The following ETV5 variants were observed in gnomAD, a reference collection of about 807,000 sequenced individuals.
The protein encoded by ETV5 is ETS translocation variant 5.
A neutral mutation model predicts 70.0 loss-of-function variants in ETV5; 10 were observed. The observed-to-expected ratio is 0.14, with a 90% CI of 0.09 to 0.24. The LOEUF is 0.24. Among genes scored for constraint, ETV5 ranks in the 10% least tolerant of loss-of-function variants. The pLI is 1.00. For missense variants in ETV5, 453 were observed against 651.2 expected, an observed-to-expected ratio of 0.70 and a Z score of 3.31; for synonymous variants, 216 against 242.2, an observed-to-expected ratio of 0.89 and a Z score of 1.01.
intron 11 of ETV5, among the ~76,000 whole-genome samples, chr3:186,056,200 AAC>A (rs1343135205): frequency 5.3e-5 from 8 of 152,176 alleles, no homozygotes; most frequent in African/African-American, 1.9e-4. Flanking sequence ...CAAAAACAGT[AAC>A]AGTGTTTTTT....
Position 186,052,057 on chromosome 3 carries a change from A to G in ETV5, c.1284T>C (p.Tyr428=). The G allele has an allele frequency of 6.2e-7, 1 of 1,613,922 alleles. No individual in the cohort carries two copies. Among genetic ancestry groups the G allele is most frequent in the South Asian group, 1.1e-5 (1 of 91,076 alleles). Residue 428 remains tyrosine (Y), a synonymous_variant, in exon 12 of 13, where the codon TAT becomes TAC. Coordinates refer to ENST00000306376, the MANE Select transcript of ETV5 (RefSeq NM_004454.3). This position sits in a 1 kb window ranked among gnomAD's most constrained non-coding sequence, Gnocchi z 4.5. ...NYDKLSRSLR[Y]YYEKGIMQKV... is the part of the protein sequence containing the mutation. ...TCTGCATGATGCCCTTTTCATAGTA[A>G]TAGCGGAGAGAGCGGCTCAGCTTGT... is the stretch of plus-strand genomic sequence containing the variant.
intron 12 of ETV5, among the ~76,000 whole-genome samples, chr3:186,051,365 A>G (rs1485352705): frequency 6.6e-6 from 1 of 152,218 alleles, no homozygotes; most frequent in African/African-American, 2.4e-5. Flanking sequence ...TAGCTAAGAA[A>G]GACTTGCCAT....
Position 186,064,460 on chromosome 3 carries a change from C to T in ETV5, c.927G>A (p.Gln309=). The part of the protein sequence containing the change: ...YCVDSEVPNC[Q]SSYMRGGYFS... ...AATAACCCCCTCTCATGTAGGATGA[C>T]TGGCAGTTAGGCACTTCTGAAAGGA... The change falls in exon 9 of 13, where the codon CAG becomes CAA. Residue 309 remains glutamine (Q), a synonymous_variant. Coordinates refer to ENST00000306376, the MANE Select transcript of ETV5 (RefSeq NM_004454.3). The T allele has an allele frequency of 6.2e-7, 1 of 1,614,172 alleles. No individual in the cohort carries two copies. Among genetic ancestry groups the T allele is most frequent in the Non-Finnish European group, 8.5e-7 (1 of 1,180,026 alleles).
rs1194494672 is a variant in ETV5 at position 186,057,810 on chromosome 3, T to A, written c.971-319A>T. ...GGATCAATGTTGCTCTGACTAAGCC[T>A]TTACAGCTGGAAACACATCTCTATT... On this transcript the variant is annotated intron_variant, in intron 9 of 12. Transcript: ENST00000306376. This position sits in a 1 kb window ranked among gnomAD's most constrained non-coding sequence, Gnocchi z 4.9. Among the ~76,000 whole-genome samples the A allele has an allele frequency of 6.6e-6, 1 of 152,206 alleles. No individual in the cohort carries two copies. The highest frequency in any genetic ancestry group is 1.5e-5 in the Non-Finnish European group (1 of 68,028).
chr3:186,086,940 C>T (rs1233860179), intron 5 of ETV5, among the ~76,000 whole-genome samples: 1 of 152,100 alleles, frequency 6.6e-6, no homozygotes, highest in African/African-American at 2.4e-5. Context: ...CACTGCACTC[C>T]AGACTGGGCA....
intron 5 of ETV5, among the ~76,000 whole-genome samples, chr3:186,100,192 C>G (rs573936114): frequency 5.9e-5 from 9 of 152,266 alleles, no homozygotes; most frequent in Non-Finnish European, 1.2e-4. Context: ...GTCAAAGAAT[C>G]TCTCCTCCAT....
intron 9 of ETV5, among the ~76,000 whole-genome samples, chr3:186,059,044 T>G (rs1443178276): frequency 6.8e-6 from 1 of 147,362 alleles, no homozygotes; most frequent in Non-Finnish European, 1.5e-5. Context: ...AAATAAAAAA[T>G]AAAAAAAAAG....
At chr3:186,088,007 G>T (rs187129642) in intron 5 of ETV5, among the ~76,000 whole-genome samples, 23 of 152,320 alleles carry the variant, frequency 1.5e-4, no homozygotes, top group Non-Finnish European at 3.1e-4. Context: ...CCTGCGGTCT[G>T]AAGGGAAGAA....
In ETV5 at chr3:186,072,240, G is replaced by C. The variant is rs552256436; in HGVS notation, c.651-6168C>G. Among the ~76,000 whole-genome samples, 66 of 151,992 alleles carry C rather than the reference G, an allele frequency of 4.3e-4. 1 individual carries two copies. Among genetic ancestry groups the C allele is most frequent in the Non-Finnish European group, 3.5e-4 (24 of 67,978 alleles). On this transcript the variant is annotated intron_variant, in intron 7 of 12. Transcript: ENST00000306376. ...ATTAAAAACACAAAAAAATTAGCCA[G>C]GTGCAGTGTCGAATGCCTGTAAACC... is the stretch of plus-strand genomic sequence containing the variant.
chr3:186,102,360 C>T (rs1714480182), intron 5 of ETV5, among the ~76,000 whole-genome samples: 2 of 152,100 alleles, frequency 1.3e-5, no homozygotes, highest in South Asian at 4.1e-4. Context: ...AGGCCGGGCA[C>T]AGTGGCTCAC....
In ETV5 at chr3:186,052,038, T is replaced by C; in HGVS notation, c.1303A>G (p.Met435Val). The C allele has an allele frequency of 1.2e-6, 2 of 1,613,680 alleles. No homozygotes were observed. The highest frequency in any genetic ancestry group is 1.7e-6 in the Non-Finnish European group (2 of 1,179,702). ...SLRYYYEKGIMQKVAGERYVY... is the reference protein window; with the variant it reads ...SLRYYYEKGIVQKVAGERYVY... The stretch of plus-strand genomic sequence containing the variant: ...CTTGTATAATGGCTCACCTTCTGCA[T>C]GATGCCCTTTTCATAGTAATAGCGG... The change falls in exon 12 of 13, where the codon ATG (methionine) becomes GTG (valine). Residue 435 changes from methionine to valine, a missense_variant. Met to Val is a conservative substitution (Grantham distance 21). Transcript: ENST00000306376. This position sits in a 1 kb window ranked among gnomAD's most constrained non-coding sequence, Gnocchi z 4.5.
At chr3:186,056,620 G>C (rs1289865342) in intron 11 of ETV5, among the ~76,000 whole-genome samples, 3 of 152,016 alleles carry the variant, frequency 2.0e-5, no homozygotes, top group Non-Finnish European at 2.9e-5. Flanking sequence ...ATTTCTCCAG[G>C]CTACAGCCAT....
intron 5 of ETV5, among the ~76,000 whole-genome samples, chr3:186,084,734 A>G (rs1458592950): frequency 6.6e-6 from 1 of 152,186 alleles, no homozygotes; most frequent in African/African-American, 2.4e-5. Context: ...ATTCGAGGGG[A>G]GAAGAGGCAA....
At chr3:186,085,470 G>T (rs549651316) in intron 5 of ETV5, among the ~76,000 whole-genome samples, 2 of 149,052 alleles carry the variant, frequency 1.3e-5, no homozygotes, top group Non-Finnish European at 3.0e-5. Flanking sequence ...CACCTCCATT[G>T]TCACAAGCAA....
intron 5 of ETV5, among the ~76,000 whole-genome samples, chr3:186,082,462 C>G (rs1181615127): frequency 6.8e-6 from 1 of 146,752 alleles, no homozygotes; most frequent in African/African-American, 2.6e-5. Context: ...GAGTCTTACT[C>G]TGTCGCCCAG....
In ETV5 at chr3:186,079,864, C is replaced by T. The variant is rs1484312520; in HGVS notation, c.603G>A (p.Leu201=). The part of the protein sequence containing the change: ...FAVPRPPHQP[L]QMPKMMPENQ... The stretch of plus-strand genomic sequence containing the variant: ...TTTCAGGCATCATCTTTGGCATCTG[C>T]AGGGGCTGATGTGGTGGTCGGGGGA... The change falls in exon 7 of 13, where the codon CTG becomes CTA. Residue 201 remains leucine (L), a synonymous_variant. Coordinates refer to ENST00000306376, the MANE Select transcript of ETV5 (RefSeq NM_004454.3). 6 of 1,601,932 alleles carry T rather than the reference C, an allele frequency of 3.7e-6. No individual in the cohort carries two copies. The highest frequency in any genetic ancestry group is 5.1e-6 in the Non-Finnish European group (6 of 1,175,056).
In ETV5 at chr3:186,075,105, A is replaced by C. The variant is rs561604203; in HGVS notation, c.650+4712T>G. On this transcript the variant is annotated intron_variant, in intron 7 of 12. Transcript: ENST00000306376. ...CTTGTTAAAAGGTAACAAGAAGCCT[A>C]CAGTAAACATGATGAAATGCTAAAA... 2.0e-4 allele frequency among the ~76,000 whole-genome samples: 30 copies of C among 152,332 alleles called. No homozygotes were observed. The South Asian group carries it at 6.2e-3, about 32-fold the overall frequency.
At chr3:186,100,781 A>G (rs1714434346) in intron 5 of ETV5, among the ~76,000 whole-genome samples, 2 of 152,226 alleles carry the variant, frequency 1.3e-5, no homozygotes, top group South Asian at 4.1e-4. Context: ...TATGGAGGCC[A>G]TGACTTTGAA....
chr3:186,070,455 C>T (rs915308495), intron 7 of ETV5, among the ~76,000 whole-genome samples: 6 of 152,216 alleles, frequency 3.9e-5, no homozygotes, highest in African/African-American at 1.4e-4. Context: ...ATCCCCTCCC[C>T]GCGGCATAAC....
Sources: allele counts gnomAD v4.1 joint callset (sites outside exome capture counted in the v4.1 genomes callset), GRCh38; gene constraint gnomAD v4.1.1; non-coding constraint Gnocchi (gnomAD v3.1); transcripts MANE v1.5; gene names NCBI Gene and HGNC (gene_info 2026-07-23, HGNC 2026-07-21).